The following GABRA1 variants were observed in gnomAD, a reference collection of about 807,000 sequenced individuals.
GABRA1 encodes gamma-aminobutyric acid type A receptor subunit alpha1.
GABRA1 carries 9 observed loss-of-function variants against 48.9 expected under a neutral mutation model. The observed-to-expected ratio is 0.18, with a 90% CI of 0.11 to 0.32. The LOEUF is 0.32. Ranked by LOEUF, GABRA1 falls within the 10% of genes least tolerant of loss-of-function variation. GABRA1 has a pLI of 1.00. For synonymous variants in GABRA1, 210 were observed against 198.7 expected, an observed-to-expected ratio of 1.06 and a Z score of -0.48; for missense variants, 285 against 553.8, an observed-to-expected ratio of 0.51 and a Z score of 4.87.
chr5:161,852,921 T>G (rs1291069918), intron 2 of GABRA1, among the ~76,000 whole-genome samples: 1 of 151,966 alleles, frequency 6.6e-6, no homozygotes, highest in Non-Finnish European at 1.5e-5. Context: ...GTCAAATAAG[T>G]GAATTCTGGC....
chr5:161,867,476 A>G (rs1753917153), intron 4 of GABRA1, among the ~76,000 whole-genome samples: 2 of 152,134 alleles, frequency 1.3e-5, no homozygotes, highest in African/African-American at 4.8e-5. Flanking sequence ...TCCAAATCTC[A>G]CCATCAGCAG....
At chr5:161,869,231 A>G (rs1422684611) in intron 4 of GABRA1, among the ~76,000 whole-genome samples, 6 of 152,224 alleles carry the variant, frequency 3.9e-5, no homozygotes, top group Non-Finnish European at 7.3e-5. Context: ...TACGTTAATA[A>G]CATAACAAGA....
chr5:161,897,455 T>C lies in GABRA1; in HGVS notation c.*33T>C. On this transcript the variant is annotated 3_prime_UTR_variant, in exon 10 of 10. Transcript: ENST00000393943. ...ACTCACATTCTGTTGTTCAGTCCTC[T>C]GCACTGGGAATTTATTTATGTTCTC... 6.4e-7 allele frequency: 1 copy of C among 1,558,582 alleles called. No homozygotes were observed. The highest frequency in any genetic ancestry group is 1.1e-5 in the South Asian group (1 of 90,006).
intron 7 of GABRA1, among the ~76,000 whole-genome samples, chr5:161,889,909 A>C (rs571492626): frequency 1.3e-5 from 2 of 151,754 alleles, no homozygotes; most frequent in South Asian, 4.2e-4. Context: ...TTTTAAGTTA[A>C]AAAAAAAGAG....
Position 161,875,620 on chromosome 5 carries a change from T to G in GABRA1, c.537T>G (p.Ala179=), listed in dbSNP as rs945438671. The G allele has an allele frequency of 6.2e-7, 1 of 1,613,308 alleles. No homozygotes were observed. Among genetic ancestry groups the G allele is most frequent in the Non-Finnish European group, 8.5e-7 (1 of 1,179,468 alleles). Reference sequence around the variant, plus strand: ...AGGACTTCCCTATGGATGCCCATGCTTGCCCACTAAAATTTGGAAGTTGTG... The same window carrying G: ...AGGACTTCCCTATGGATGCCCATGCGTGCCCACTAAAATTTGGAAGTTGTG... The part of the protein sequence containing the change: ...HLEDFPMDAH[A]CPLKFGSYAY... Residue 179 remains alanine (A), a synonymous_variant, in exon 6 of 10, where the codon GCT becomes GCG. Transcript: ENST00000393943.
intron 7 of GABRA1, among the ~76,000 whole-genome samples, chr5:161,885,866 A>G (rs1581210173): frequency 6.6e-6 from 1 of 152,234 alleles, no homozygotes; most frequent in East Asian, 1.9e-4. Flanking sequence ...TCATTTATCC[A>G]CGTAATCCTT....
chr5:161,880,466 T>C (rs1754566260), intron 6 of GABRA1, among the ~76,000 whole-genome samples: 1 of 152,170 alleles, frequency 6.6e-6, no homozygotes, highest in Non-Finnish European at 1.5e-5. Context: ...AGTACTGCTA[T>C]ACACAATGGT....
chr5:161,864,923 G>C (rs1449577594), intron 3 of GABRA1, among the ~76,000 whole-genome samples: 2 of 151,858 alleles, frequency 1.3e-5, no homozygotes, highest in African/African-American at 4.8e-5. Context: ...AAATTATAAA[G>C]TCATATTTTT....
intron 4 of GABRA1, among the ~76,000 whole-genome samples, chr5:161,868,542 A>C (rs1338926175): frequency 6.6e-6 from 1 of 152,154 alleles, no homozygotes; most frequent in East Asian, 1.9e-4. Flanking sequence ...GAAAACATCA[A>C]GAGAGGGCAT....
intron 4 of GABRA1, among the ~76,000 whole-genome samples, chr5:161,870,589 G>GA (rs1561574017): frequency 1.4e-5 from 2 of 141,578 alleles, no homozygotes; most frequent in African/African-American, 2.6e-5. Flanking sequence ...AAAGGAAAAA[G>GA]AAAAAAAGAA....
At chr5:161,867,466 T>C (rs1753917058) in intron 4 of GABRA1, among the ~76,000 whole-genome samples, 1 of 152,124 alleles carries the variant, frequency 6.6e-6, no homozygotes, top group South Asian at 2.1e-4. Context: ...GCTGGTTGAA[T>C]CCAAATCTCA....
chr5:161,851,005 C>T, intron 2 of GABRA1, 121 bp downstream of exon 2: 1 of 786,786 alleles, frequency 1.3e-6, no homozygotes, highest in Non-Finnish European at 2.2e-6. Context: ...AACTTAACTG[C>T]AATAATTTCC....
Position 161,899,822 on chromosome 5 carries a change from A to G in GABRA1, c.*2400A>G, listed in dbSNP as rs528531605. On this transcript the variant is annotated 3_prime_UTR_variant, in exon 10 of 10. Coordinates refer to ENST00000393943, the MANE Select transcript of GABRA1 (RefSeq NM_001127644.2). Reference sequence around the variant, plus strand: ...TGCACTTTAGTGCAGTGAAGTGGCAATAAAACCTAACATGAATCAAGGTTG... The same window carrying G: ...TGCACTTTAGTGCAGTGAAGTGGCAGTAAAACCTAACATGAATCAAGGTTG... The G allele has an allele frequency of 1.1e-4, 17 of 152,306 alleles. No homozygotes were observed. In the East Asian group the frequency reaches 3.3e-3, roughly 29 times the overall value. 9.4% of individuals were successfully genotyped at this position (152,306 alleles called of 1,614,324 possible).
In GABRA1 at chr5:161,848,242, G is replaced by T. The variant is rs1237555579; in HGVS notation, c.-196G>T. ...TTTGGGTGTGAAATCTTCAGCAAAG[G>T]AGCACGCAGAGTCCATGATGGCTCA... On this transcript the variant is annotated 5_prime_UTR_variant, in exon 1 of 10. Transcript: ENST00000393943. 6.6e-6 allele frequency: 1 copy of T among 152,120 alleles called. No homozygotes were observed. Among genetic ancestry groups the T allele is most frequent in the Non-Finnish European group, 1.5e-5 (1 of 68,112 alleles). The allele number at this position is 152,120 out of a possible 1,614,324, so 9.4% of individuals were successfully genotyped here.
chr5:161,890,815 C>G, intron 7 of GABRA1, 83 bp from the exon 8 acceptor site: 1 of 1,257,446 alleles, frequency 8.0e-7, no homozygotes, highest in South Asian at 1.2e-5. Context: ...AATTCCCAGA[C>G]CTTTGGTACT....
chr5:161,876,577 G>T (rs1754364701), intron 6 of GABRA1, among the ~76,000 whole-genome samples: 2 of 152,108 alleles, frequency 1.3e-5, no homozygotes, highest in African/African-American at 2.4e-5. Flanking sequence ...AGGCCTTCGG[G>T]CTCCTAGCAG....
intron 3 of GABRA1, among the ~76,000 whole-genome samples, chr5:161,857,002 G>T (rs932681920): frequency 6.6e-6 from 1 of 151,030 alleles, no homozygotes; most frequent in Non-Finnish European, 1.5e-5. Flanking sequence ...AGTATGACAT[G>T]CATCCCAGTA....
intron 6 of GABRA1, among the ~76,000 whole-genome samples, chr5:161,878,446 C>T (rs982097002): frequency 3.3e-5 from 5 of 152,116 alleles, no homozygotes; most frequent in East Asian, 1.9e-4. Flanking sequence ...ACTCATTTTT[C>T]GAAGTAAACA....
chr5:161,883,870 T>C (rs542878320), intron 7 of GABRA1, among the ~76,000 whole-genome samples: 1 of 152,262 alleles, frequency 6.6e-6, no homozygotes, highest in Non-Finnish European at 1.5e-5. Flanking sequence ...CTTAAATGTT[T>C]ATGTGTTTTA....
Sources: allele counts gnomAD v4.1 joint callset (sites outside exome capture counted in the v4.1 genomes callset), GRCh38; gene constraint gnomAD v4.1.1; transcripts MANE v1.5; gene names NCBI Gene and HGNC (gene_info 2026-07-23, HGNC 2026-07-21).